Variants in PAPSS1 observed in about 807,000 individuals in gnomAD.
PAPSS1 encodes bifunctional 3'-phosphoadenosine 5'-phosphosulfate synthase 1.
Under a neutral mutation model 72.0 loss-of-function variants are expected in PAPSS1, and 50 were observed. That is an observed-to-expected ratio of 0.69 (90% CI 0.55 to 0.88). The LOEUF (loss-of-function observed/expected upper bound fraction) is 0.88, where lower values mean the gene tolerates loss of function less well. Among genes scored for constraint, PAPSS1 ranks in the 40% least tolerant of loss-of-function variants. The pLI, the probability that PAPSS1 is intolerant of heterozygous loss-of-function variation, is 0.00. For synonymous variants in PAPSS1, 261 were observed against 263.6 expected (o/e 0.99, Z 0.09); for missense variants, 657 against 782.2 (o/e 0.84, Z 1.91).
intron 9 of PAPSS1, among the ~76,000 whole-genome samples, chr4:107,651,584 T>C (rs111572562): frequency 0.01 from 1,537 of 152,220 alleles, 27 homozygotes; most frequent in African/African-American, 0.033. Context: ...CTTCTTCACA[T>C]GGTGGCAGGA....
At chr4:107,720,092 C>T in intron 1 of PAPSS1, 28 bp downstream of exon 1, 1 of 1,596,726 alleles carries the variant, frequency 6.3e-7, no homozygotes, top group Non-Finnish European at 8.5e-7. Context: ...CTCCGCTCCT[C>T]GCCGTCTCGC....
At chr4:107,692,683 T>C (rs1300611344) in intron 3 of PAPSS1, among the ~76,000 whole-genome samples, 1 of 151,924 alleles carries the variant, frequency 6.6e-6, no homozygotes, top group East Asian at 1.9e-4. Flanking sequence ...GATACATGCA[T>C]GAGTATGTTC....
chr4:107,693,916 T>C lies in PAPSS1; in HGVS notation c.266A>G (p.Asp89Gly), dbSNP rs1723003535. Residue 89 changes from aspartate (D) to glycine (G), a missense_variant, in exon 3 of 12, where the codon GAC becomes GGC. Asp to Gly is a moderately conservative substitution (Grantham distance 94, BLOSUM62 -1). Coordinates refer to ENST00000265174, the MANE Select transcript of PAPSS1 (RefSeq NM_005443.5). The part of the protein sequence containing the change: ...HGIPCYTLDG[D>G]NIRQGLNKNL... ...TTTATTGAGACCTTGACGAATATTG[T>C]CACCATCCAGAGTGTAGCATGGAAT... 6.2e-7 allele frequency: 1 copy of C among 1,613,826 alleles called. No homozygotes were observed.
chr4:107,682,731 G>A (rs1166000916), intron 4 of PAPSS1, among the ~76,000 whole-genome samples: 1 of 152,078 alleles, frequency 6.6e-6, no homozygotes, highest in African/African-American at 2.4e-5. Context: ...AACCAAACCT[G>A]ACAAGATTAT....
At chr4:107,625,395 G>T (rs996976346) in intron 11 of PAPSS1, among the ~76,000 whole-genome samples, 6 of 152,148 alleles carry the variant, frequency 3.9e-5, no homozygotes, top group African/African-American at 1.4e-4. Context: ...GAGATCTGAG[G>T]CATGACAGGG....
At chr4:107,651,778 A>G (rs1422991569) in intron 9 of PAPSS1, among the ~76,000 whole-genome samples, 1 of 152,226 alleles carries the variant, frequency 6.6e-6, no homozygotes, top group Non-Finnish European at 1.5e-5. Flanking sequence ...TTGGGAGGAC[A>G]CAGCCAAACC....
At chr4:107,647,518 GCACCAA>G (rs1726726397) in intron 9 of PAPSS1, among the ~76,000 whole-genome samples, 1 of 152,096 alleles carries the variant, frequency 6.6e-6, no homozygotes. Flanking sequence ...TCTAACTGTG[GCACCAA>G]CCTTTTATAT....
At chr4:107,655,881 C>T (rs1179113445) in intron 7 of PAPSS1, among the ~76,000 whole-genome samples, 6 of 152,134 alleles carry the variant, frequency 3.9e-5, no homozygotes, top group African/African-American at 1.2e-4. Flanking sequence ...TCCTTATGTT[C>T]TTGTGATAAA....
intron 11 of PAPSS1, among the ~76,000 whole-genome samples, chr4:107,614,817 A>G (rs1725777140): frequency 6.6e-6 from 1 of 152,174 alleles, no homozygotes; most frequent in Non-Finnish European, 1.5e-5. Context: ...ACTTAATACT[A>G]TACTACTTTA....
At chr4:107,659,921 G>A (rs1182302157) in intron 6 of PAPSS1, 38 bp downstream of exon 6, 1 of 1,104,104 alleles carries the variant, frequency 9.1e-7, no homozygotes, top group East Asian at 2.4e-5. Flanking sequence ...TGTATATAAG[G>A]CTGTATCACT....
intron 9 of PAPSS1, among the ~76,000 whole-genome samples, chr4:107,651,647 T>G (rs544622983): frequency 6.6e-6 from 1 of 152,174 alleles, no homozygotes; most frequent in African/African-American, 2.4e-5. Flanking sequence ...CCATCACACC[T>G]TGTGAGAACT....
chr4:107,665,968 T>C (rs1003332283), intron 5 of PAPSS1, among the ~76,000 whole-genome samples: 1 of 152,354 alleles, frequency 6.6e-6, no homozygotes, highest in South Asian at 2.1e-4. Flanking sequence ...TTAAATACTT[T>C]CTGTACTTTT....
chr4:107,717,997 T>C (rs62313402), intron 1 of PAPSS1, among the ~76,000 whole-genome samples: 6,321 of 152,310 alleles, frequency 0.042, 214 homozygotes, highest in East Asian at 0.085. Context: ...TTCAAATCTA[T>C]TAATTCATTT....
intron 2 of PAPSS1, among the ~76,000 whole-genome samples, chr4:107,696,765 A>T (rs1723075405): frequency 6.6e-6 from 1 of 152,038 alleles, no homozygotes; most frequent in African/African-American, 2.4e-5. Flanking sequence ...GAAGAGGAGG[A>T]TATGTTGAGA....
chr4:107,685,396 A>G (rs910212535), intron 4 of PAPSS1, among the ~76,000 whole-genome samples: 1 of 152,192 alleles, frequency 6.6e-6, no homozygotes, highest in Non-Finnish European at 1.5e-5. Flanking sequence ...AAAAACAACA[A>G]AATCAACTAA....
At chr4:107,712,690 T>C (rs765768108) in intron 1 of PAPSS1, among the ~76,000 whole-genome samples, 3 of 151,836 alleles carry the variant, frequency 2.0e-5, no homozygotes, top group Admixed American at 6.6e-5. Context: ...CTGGCCAACA[T>C]TGTGAAACCC....
At position 107,711,272 on chromosome 4, in the gene PAPSS1, C is replaced by T. The variant is rs565894405; in HGVS notation, c.60+8848G>A. Among the ~76,000 whole-genome samples the T allele has an allele frequency of 7.9e-4, 120 of 152,302 alleles. 3 individuals are homozygous for T. The South Asian group carries it at 0.021, about 26-fold the overall frequency. On this transcript the variant is annotated intron_variant, in intron 1 of 11. Transcript: ENST00000265174. ...AGAACTAAATGACTAACAATCCTGT[C>T]ACTAGGCTAATATTGCATGTCCTCT...
intron 5 of PAPSS1, among the ~76,000 whole-genome samples, chr4:107,676,711 G>C (rs551920500): frequency 1.3e-5 from 2 of 152,232 alleles, no homozygotes; most frequent in South Asian, 4.2e-4. Flanking sequence ...AACCAAAAAA[G>C]GGCCCACATT....
chr4:107,629,030 C>CA (rs962416674), intron 11 of PAPSS1, among the ~76,000 whole-genome samples: 7 of 152,120 alleles, frequency 4.6e-5, no homozygotes, highest in African/African-American at 1.7e-4. Flanking sequence ...TGTTCATTAT[C>CA]AAAAACAACT....
Sources: allele counts gnomAD v4.1 joint callset (sites outside exome capture counted in the v4.1 genomes callset), GRCh38; gene constraint gnomAD v4.1.1; transcripts MANE v1.5; gene names NCBI Gene and HGNC (gene_info 2026-07-23, HGNC 2026-07-21).